The following NRXN1 variants were observed in gnomAD, a reference collection of about 807,000 sequenced individuals.
NRXN1 encodes the protein neurexin-1.
A neutral mutation model predicts 150.9 loss-of-function variants in NRXN1; 39 were observed. The observed-to-expected ratio is 0.26, with a 90% CI of 0.20 to 0.34. The LOEUF is 0.34. NRXN1 is among the 10% of genes least tolerant of loss of function. The pLI is 1.00. For synonymous variants in NRXN1, 924 were observed against 757.0 expected (o/e 1.22, Z -3.62); for missense variants, 1,815 against 1,949.9 (o/e 0.93, Z 1.30).
chr2:50,687,747 G>C (rs960860916), intron 5 of NRXN1, among the ~76,000 whole-genome samples: 2 of 152,194 alleles, frequency 1.3e-5, no homozygotes, highest in African/African-American at 2.4e-5. Flanking sequence ...AGGTTGTTGT[G>C]AGAATTTGTA....
chr2:50,901,494 G>A (rs186726843), intron 5 of NRXN1, among the ~76,000 whole-genome samples: 78 of 152,146 alleles, frequency 5.1e-4, no homozygotes, highest in East Asian at 1.4e-3. Context: ...CCGAGATTGC[G>A]CCACTGCACT....
intron 2 of NRXN1, among the ~76,000 whole-genome samples, chr2:50,992,172 T>G (rs1435592634): frequency 6.6e-6 from 1 of 152,030 alleles, no homozygotes; most frequent in Non-Finnish European, 1.5e-5. Flanking sequence ...TAGTCAGTTC[T>G]AACTAGCTAA....
intron 18 of NRXN1, among the ~76,000 whole-genome samples, chr2:50,091,915 G>A: frequency 6.6e-6 from 1 of 152,288 alleles, no homozygotes; most frequent in African/African-American, 2.4e-5. Context: ...AGAGCCCATT[G>A]ACAAATACTC....
chr2:50,045,052 G>A (rs1480545898), intron 21 of NRXN1, among the ~76,000 whole-genome samples: 1 of 152,098 alleles, frequency 6.6e-6, no homozygotes, highest in African/African-American at 2.4e-5. Context: ...AAAGCTGTTT[G>A]GTAAATGCTG....
chr2:50,398,817 G>A (rs959171272), intron 17 of NRXN1, among the ~76,000 whole-genome samples: 36 of 152,224 alleles, frequency 2.4e-4, no homozygotes, highest in African/African-American at 8.7e-4. Flanking sequence ...ATCTAGCTTG[G>A]TAGTACAAAA....
rs138966215 is a variant in NRXN1, at chr2:50,998,032, G to C, written c.772+29470C>G. 8.5e-5 allele frequency among the ~76,000 whole-genome samples: 12 copies of C among 141,544 alleles called. 1 individual carries two copies. Among genetic ancestry groups the C allele is most frequent in the South Asian group, 2.3e-4 (1 of 4,392 alleles). The allele number at this position is 141,544 out of a possible 152,430, so 92.9% of individuals were successfully genotyped here. On this transcript the variant is annotated intron_variant, in intron 2 of 22. Transcript: ENST00000401669. Reference sequence around the variant, plus strand: ...GAAGCCAAATTTAGTCTGGGAAATAGAAATAGGGTCAATGTCAACAGCAGC... The same window carrying C: ...GAAGCCAAATTTAGTCTGGGAAATACAAATAGGGTCAATGTCAACAGCAGC...
Position 50,364,124 on chromosome 2 carries a change from A to G in NRXN1, c.3364+101318T>C, listed in dbSNP as rs1375119995. 2.8e-4 allele frequency among the ~76,000 whole-genome samples: 43 copies of G among 152,176 alleles called. 1 individual carries two copies. Among genetic ancestry groups the G allele is most frequent in the Admixed American group, 2.8e-3 (43 of 15,276 alleles). On this transcript the variant is annotated intron_variant, in intron 17 of 22. Coordinates refer to ENST00000401669, the MANE Select transcript of NRXN1 (RefSeq NM_001330078.2). ...GAGCAAGGGGAGGGATAGCATTAGG[A>G]GAAATACCTAATGTAGATGACAGGT... is the stretch of plus-strand genomic sequence containing the variant.
intron 8 of NRXN1, among the ~76,000 whole-genome samples, chr2:50,606,073 AC>A (rs542601132): frequency 2.4e-4 from 37 of 152,044 alleles, no homozygotes; most frequent in Non-Finnish European, 4.9e-4. Flanking sequence ...ACATGGTGAA[AC>A]CCCATCTCTA....
At chr2:50,914,755 A>T (rs1409422827) in intron 5 of NRXN1, among the ~76,000 whole-genome samples, 1 of 151,698 alleles carries the variant, frequency 6.6e-6, no homozygotes, top group Non-Finnish European at 1.5e-5. Flanking sequence ...AAGGAAAAAG[A>T]AATTTAAAAA....
At chr2:50,393,877 T>A (rs553586227) in intron 17 of NRXN1, among the ~76,000 whole-genome samples, 2 of 152,238 alleles carry the variant, frequency 1.3e-5, no homozygotes, top group South Asian at 4.1e-4. Flanking sequence ...CATTTTCAAA[T>A]CAACAGGTGT....
chr2:50,802,260 G>C (rs1707701207), intron 5 of NRXN1, among the ~76,000 whole-genome samples: 1 of 152,084 alleles, frequency 6.6e-6, no homozygotes, highest in Non-Finnish European at 1.5e-5. Flanking sequence ...GGGAGGCCGA[G>C]GCAGGGGGAT....
intron 2 of NRXN1, among the ~76,000 whole-genome samples, chr2:50,958,528 A>C (rs918443727): frequency 6.6e-6 from 1 of 151,948 alleles, no homozygotes; most frequent in Non-Finnish European, 1.5e-5. Context: ...TGATATTTTT[A>C]TAGAAAGTCA....
intron 17 of NRXN1, among the ~76,000 whole-genome samples, chr2:50,446,547 C>T (rs1042053042): frequency 2.2e-5 from 3 of 134,772 alleles, no homozygotes; most frequent in Non-Finnish European, 1.6e-5. Flanking sequence ...CCCTCCCTTC[C>T]TTCCCTCCTT....
At chr2:50,782,900 T>C (rs2105528993) in intron 5 of NRXN1, among the ~76,000 whole-genome samples, 1 of 152,306 alleles carries the variant, frequency 6.6e-6, no homozygotes, top group South Asian at 2.1e-4. Flanking sequence ...AAGGCAAAGC[T>C]GTTGAACAAA....
intron 5 of NRXN1, among the ~76,000 whole-genome samples, chr2:50,660,164 A>C (rs1687085497): frequency 6.6e-6 from 1 of 152,068 alleles, no homozygotes; most frequent in South Asian, 2.1e-4. Flanking sequence ...ATGTCACATA[A>C]TCTCATTTAA....
chr2:50,342,831 TC>T (rs1424195324), intron 17 of NRXN1, among the ~76,000 whole-genome samples: 1 of 152,244 alleles, frequency 6.6e-6, no homozygotes, highest in Non-Finnish European at 1.5e-5. Context: ...AGGCCTTGAT[TC>T]TAATTCCTCT....
intron 17 of NRXN1, among the ~76,000 whole-genome samples, chr2:50,381,570 C>CAT (rs1427173470): frequency 7.5e-6 from 1 of 133,698 alleles, no homozygotes; most frequent in Non-Finnish European, 1.6e-5. Context: ...CACACACACA[C>CAT]ACAATCTGCT....
At chr2:50,770,256 A>G (rs1574416882) in intron 5 of NRXN1, among the ~76,000 whole-genome samples, 1 of 152,044 alleles carries the variant, frequency 6.6e-6, no homozygotes, top group African/African-American at 2.4e-5. Flanking sequence ...TAGTGAAAGA[A>G]ATTTTTATAG....
intron 17 of NRXN1, among the ~76,000 whole-genome samples, chr2:50,455,815 T>G (rs974764697): frequency 6.6e-6 from 1 of 152,142 alleles, no homozygotes; most frequent in Non-Finnish European, 1.5e-5. Context: ...CATCAAAGAT[T>G]TGACACGGAA....
Sources: allele counts gnomAD v4.1 joint callset (sites outside exome capture counted in the v4.1 genomes callset), GRCh38; gene constraint gnomAD v4.1.1; transcripts MANE v1.5; gene names NCBI Gene and HGNC (gene_info 2026-07-23, HGNC 2026-07-21).